The following LRMDA variants were observed in gnomAD, a reference collection of about 807,000 sequenced individuals.
LRMDA encodes the protein leucine-rich melanocyte differentiation-associated protein.
LRMDA carries 18 observed loss-of-function variants against 29.8 expected under a neutral mutation model. That is an observed-to-expected ratio of 0.60 (90% confidence interval 0.42 to 0.90). The LOEUF (loss-of-function observed/expected upper bound fraction) is 0.90, where lower values mean the gene tolerates loss of function less well. LRMDA is among the 40% of genes least tolerant of loss of function. The pLI, the probability that LRMDA is intolerant of heterozygous loss-of-function variation, is 0.00. For missense variants in LRMDA, 273 were observed against 273.9 expected (o/e 1.00, Z 0.02); for synonymous variants, 125 against 109.4 (o/e 1.14, Z -0.89).
chr10:76,208,120 C>T (rs1851570520), intron 5 of LRMDA, among the ~76,000 whole-genome samples: 1 of 152,036 alleles, frequency 6.6e-6, no homozygotes, highest in South Asian at 2.1e-4. Flanking sequence ...AAACATAGTT[C>T]AATTAAATAT....
At chr10:76,193,167 A>G (rs1474533707) in intron 5 of LRMDA, among the ~76,000 whole-genome samples, 1 of 152,150 alleles carries the variant, frequency 6.6e-6, no homozygotes, top group Non-Finnish European at 1.5e-5. Context: ...GTTCCTGCAA[A>G]GTCAGGCCTG....
Position 76,219,038 on chromosome 10 carries a change from T to G in LRMDA, c.517-105363T>G, listed in dbSNP as rs111449356. On this transcript the variant is annotated intron_variant, in intron 5 of 6. Coordinates refer to ENST00000611255, the MANE Select transcript of LRMDA (RefSeq NM_001305581.2). ...TATGAGTGCAAGAGCCTTTCATGATTGCCCAAAGGCACTGGGAGAATGCAA... is the reference window on the plus strand; with the variant it reads ...TATGAGTGCAAGAGCCTTTCATGATGGCCCAAAGGCACTGGGAGAATGCAA... Among the ~76,000 whole-genome samples, 477 of 152,270 alleles carry G rather than the reference T, an allele frequency of 3.1e-3. 2 individuals carry two copies. The highest frequency in any genetic ancestry group is 0.011 in the African/African-American group (455 of 41,542).
chr10:76,353,158 A>G (rs1201795808), intron 6 of LRMDA, among the ~76,000 whole-genome samples: 3 of 152,076 alleles, frequency 2.0e-5, no homozygotes, highest in African/African-American at 4.8e-5. Flanking sequence ...TATACTGTAA[A>G]TGCTTTAGAG....
intron 2 of LRMDA, among the ~76,000 whole-genome samples, chr10:75,638,700 A>T (rs1397337024): frequency 6.6e-6 from 1 of 152,244 alleles, no homozygotes; most frequent in Non-Finnish European, 1.5e-5. Context: ...GTCGTAAGAC[A>T]AGGAATGGGG....
chr10:76,448,849 C>T (rs1333960182), intron 6 of LRMDA, among the ~76,000 whole-genome samples: 1 of 151,894 alleles, frequency 6.6e-6, no homozygotes, highest in Admixed American at 6.6e-5. Context: ...CACAGGCTTA[C>T]ATGCTTTGTT....
chr10:75,644,257 G>A (rs1589144339), intron 2 of LRMDA, among the ~76,000 whole-genome samples: 1 of 152,154 alleles, frequency 6.6e-6, no homozygotes, highest in Non-Finnish European at 1.5e-5. Flanking sequence ...CCAGATACAA[G>A]GTTTGAAGGA....
At chr10:75,950,972 C>A (rs1156586132) in intron 2 of LRMDA, among the ~76,000 whole-genome samples, 1 of 152,208 alleles carries the variant, frequency 6.6e-6, no homozygotes, top group Non-Finnish European at 1.5e-5. Context: ...CCACCACTTC[C>A]TGATTCCATG....
chr10:75,585,319 G>A (rs961300805), intron 2 of LRMDA, among the ~76,000 whole-genome samples: 2 of 152,222 alleles, frequency 1.3e-5, no homozygotes, highest in African/African-American at 4.8e-5. Flanking sequence ...CCATGTTAAT[G>A]TAGCAATGGT....
At chr10:76,137,547 A>G (rs148970982) in intron 5 of LRMDA, among the ~76,000 whole-genome samples, 63 of 152,212 alleles carry the variant, frequency 4.1e-4, no homozygotes, top group Non-Finnish European at 7.1e-4. Context: ...TGGCATTGGT[A>G]CATACTTCCC....
chr10:76,166,456 T>C (rs1173979881), intron 5 of LRMDA, among the ~76,000 whole-genome samples: 1 of 152,156 alleles, frequency 6.6e-6, no homozygotes. Context: ...CTCCTGATCC[T>C]CTCCCTCCTC....
At chr10:75,940,776 G>T (rs1223583130) in intron 2 of LRMDA, among the ~76,000 whole-genome samples, 1 of 152,106 alleles carries the variant, frequency 6.6e-6, no homozygotes, top group East Asian at 1.9e-4. Context: ...TGGGGTGTGT[G>T]TGTGTGTGCG....
At chr10:75,788,287 G>C (rs1390642079) in intron 2 of LRMDA, among the ~76,000 whole-genome samples, 3 of 152,218 alleles carry the variant, frequency 2.0e-5, no homozygotes, top group Non-Finnish European at 4.4e-5. Flanking sequence ...TCTTGTGTTA[G>C]CTTCCTGAGG....
intron 6 of LRMDA, among the ~76,000 whole-genome samples, chr10:76,332,887 A>G (rs1203595674): frequency 1.3e-5 from 2 of 152,204 alleles, no homozygotes; most frequent in Non-Finnish European, 2.9e-5. Context: ...CTAGGAATTT[A>G]TGGTTTGATT....
At chr10:76,311,028 A>AT (rs1160238927) in intron 5 of LRMDA, among the ~76,000 whole-genome samples, 22 of 151,488 alleles carry the variant, frequency 1.5e-4, no homozygotes, top group Admixed American at 7.2e-4. Context: ...ACTCACTTGC[A>AT]TTTTTTTTTC....
At chr10:76,055,025 CT>C (rs1482252474) in intron 4 of LRMDA, among the ~76,000 whole-genome samples, 1 of 126,920 alleles carries the variant, frequency 7.9e-6, no homozygotes, top group Non-Finnish European at 1.6e-5. Context: ...GATCATGCCA[CT>C]GCTCTCCAAC....
intron 2 of LRMDA, among the ~76,000 whole-genome samples, chr10:75,915,608 G>A (rs1845920435): frequency 6.6e-6 from 1 of 152,172 alleles, no homozygotes; most frequent in Non-Finnish European, 1.5e-5. Flanking sequence ...GACTTATCCA[G>A]ATCACAGTTT....
chr10:76,368,490 A>T (rs2132454806), intron 6 of LRMDA, among the ~76,000 whole-genome samples: 1 of 152,240 alleles, frequency 6.6e-6, no homozygotes, highest in African/African-American at 2.4e-5. Context: ...CAATTTTCTT[A>T]AATGTATTGA....
At chr10:76,126,518 C>T (rs1849885760) in intron 5 of LRMDA, among the ~76,000 whole-genome samples, 1 of 152,250 alleles carries the variant, frequency 6.6e-6, no homozygotes, top group South Asian at 2.1e-4. Flanking sequence ...AAGAAAGAGT[C>T]CGCTCCTGCT....
chr10:75,947,158 C>T (rs1230195273), intron 2 of LRMDA, among the ~76,000 whole-genome samples: 1 of 152,238 alleles, frequency 6.6e-6, no homozygotes, highest in Non-Finnish European at 1.5e-5. Flanking sequence ...CCCACCTTCT[C>T]TTGCCCTTAA....
Sources: gnomAD v4.1 joint callset for allele counts (sites outside exome capture counted in the v4.1 genomes callset) on GRCh38, gnomAD v4.1.1 for gene constraint, MANE v1.5 for transcripts, NCBI Gene and HGNC (gene_info 2026-07-23, HGNC 2026-07-21) for gene names.